Variants in GLG1 observed in about 807,000 individuals in gnomAD.
The protein encoded by GLG1 is golgi glycoprotein 1.
A neutral mutation model predicts 160.5 loss-of-function variants in GLG1; 38 were observed. The ratio of observed to expected loss-of-function variants is 0.24; its 90% CI spans 0.18 to 0.31. The LOEUF (loss-of-function observed/expected upper bound fraction) is 0.31, where lower values mean the gene tolerates loss of function less well. Among genes scored for constraint, GLG1 ranks in the 10% least tolerant of loss-of-function variants. GLG1 has a pLI of 1.00. For missense variants in GLG1, 1,373 were observed against 1,505.2 expected (o/e 0.91, Z 1.45); for synonymous variants, 644 against 543.4 (o/e 1.19, Z -2.57).
intron 3 of GLG1, among the ~76,000 whole-genome samples, chr16:74,507,131 T>A (rs148080733): frequency 5.3e-4 from 81 of 152,336 alleles, no homozygotes; most frequent in African/African-American, 1.9e-3. Flanking sequence ...TGCTGGAGAC[T>A]GTGTTCTTCC....
intron 1 of GLG1, among the ~76,000 whole-genome samples, chr16:74,562,035 T>C (rs1410148252): frequency 6.6e-6 from 1 of 152,252 alleles, no homozygotes; most frequent in Non-Finnish European, 1.5e-5. Flanking sequence ...CAACTGTCAT[T>C]TTCAACACGT....
intron 2 of GLG1, among the ~76,000 whole-genome samples, chr16:74,524,536 CTT>C (rs888634618): frequency 1.5e-5 from 2 of 135,348 alleles, no homozygotes; most frequent in African/African-American, 2.7e-5. Flanking sequence ...GTACTATGGT[CTT>C]TTTTTTTTTT....
chr16:74,590,583 T>C (rs1226947704), intron 1 of GLG1, among the ~76,000 whole-genome samples: 1 of 140,480 alleles, frequency 7.1e-6, no homozygotes. Context: ...ATTACACCAC[T>C]GCACTCCAGC....
chr16:74,525,775 T>C (rs1378196284), intron 2 of GLG1, among the ~76,000 whole-genome samples: 1 of 149,644 alleles, frequency 6.7e-6, no homozygotes, highest in Non-Finnish European at 1.5e-5. Context: ...AGATATATGA[T>C]TTGTAAGTAT....
chr16:74,499,755 G>A (rs918583725), intron 4 of GLG1, among the ~76,000 whole-genome samples: 1 of 152,170 alleles, frequency 6.6e-6, no homozygotes, highest in South Asian at 2.1e-4. Context: ...TGTAATCCCA[G>A]CGCTTTGGGA....
At chr16:74,571,696 A>G (rs1224201861) in intron 1 of GLG1, among the ~76,000 whole-genome samples, 2 of 151,882 alleles carry the variant, frequency 1.3e-5, no homozygotes, top group African/African-American at 2.4e-5. Flanking sequence ...ACAGTGGTGC[A>G]CGCCTGTGGT....
chr16:74,479,014 T>C (rs1341065247), intron 11 of GLG1, among the ~76,000 whole-genome samples: 2 of 113,260 alleles, frequency 1.8e-5, no homozygotes, highest in African/African-American at 6.8e-5. Context: ...AAGACCAACC[T>C]GGCCAACATG....
At chr16:74,509,984 G>A (rs1284268893) in intron 2 of GLG1, among the ~76,000 whole-genome samples, 1 of 151,566 alleles carries the variant, frequency 6.6e-6, no homozygotes, top group Non-Finnish European at 1.5e-5. Flanking sequence ...AGCATGCCCA[G>A]CCTCTTGATT....
At chr16:74,545,916 T>C (rs1272213905) in intron 1 of GLG1, among the ~76,000 whole-genome samples, 1 of 152,252 alleles carries the variant, frequency 6.6e-6, no homozygotes, top group African/African-American at 2.4e-5. Flanking sequence ...TCAACTTTAA[T>C]AAAGCAAGAT....
intron 12 of GLG1, 67 bp from the exon 13 acceptor site, chr16:74,474,699 T>G: frequency 1.2e-6 from 1 of 807,518 alleles, no homozygotes; most frequent in Non-Finnish European, 2.3e-6. Context: ...AGGGGAGATA[T>G]CAGCGTCATG....
At chr16:74,564,861 C>T (rs2018606796) in intron 1 of GLG1, among the ~76,000 whole-genome samples, 1 of 152,168 alleles carries the variant, frequency 6.6e-6, no homozygotes, top group South Asian at 2.1e-4. Flanking sequence ...TATTCCTTTC[C>T]TAAAAACAAG....
chr16:74,526,615 T>C (rs1322304944), intron 2 of GLG1, among the ~76,000 whole-genome samples: 1 of 151,960 alleles, frequency 6.6e-6, no homozygotes, highest in Non-Finnish European at 1.5e-5. Context: ...TCCCAGCTAC[T>C]CAGGAGGCTG....
intron 1 of GLG1, among the ~76,000 whole-genome samples, chr16:74,590,884 C>G (rs1160410699): frequency 6.7e-6 from 1 of 150,268 alleles, no homozygotes; most frequent in Non-Finnish European, 1.5e-5. Context: ...AAGTCAGGTT[C>G]TAACAAACCT....
intron 3 of GLG1, among the ~76,000 whole-genome samples, chr16:74,504,196 C>T (rs1438595621): frequency 1.3e-5 from 2 of 152,116 alleles, no homozygotes; most frequent in African/African-American, 4.8e-5. Flanking sequence ...ATACCCTAAG[C>T]CAAGCTACAC....
At chr16:74,545,658 C>T (rs2018025102) in intron 1 of GLG1, among the ~76,000 whole-genome samples, 1 of 152,134 alleles carries the variant, frequency 6.6e-6, no homozygotes, top group South Asian at 2.1e-4. Flanking sequence ...GTTTTGTTCA[C>T]CCATGTCTTT....
rs2014294852 is a variant in GLG1 at position 74,451,381 on chromosome 16, G to C, written c.*1786C>G. 1.3e-5 allele frequency: 2 copies of C among 152,166 alleles called. No individual in the cohort carries two copies. The highest frequency in any genetic ancestry group is 1.5e-5 in the Non-Finnish European group (1 of 68,046). The allele number at this position is 152,166 out of a possible 1,614,324, so 9.4% of individuals were successfully genotyped here. On this transcript the variant is annotated 3_prime_UTR_variant, in exon 26 of 26. Coordinates refer to ENST00000422840, the MANE Select transcript of GLG1 (RefSeq NM_001145667.2). ...TTCTGGAACCCACTGCCTCCAGGAAGGGCAGCAAATAGAAAAAAAAGAAAG... is the reference window on the plus strand; with the variant it reads ...TTCTGGAACCCACTGCCTCCAGGAACGGCAGCAAATAGAAAAAAAAGAAAG...
chr16:74,460,085 G>A (rs1460870391), intron 22 of GLG1, among the ~76,000 whole-genome samples: 1 of 150,648 alleles, frequency 6.6e-6, no homozygotes, highest in Non-Finnish European at 1.5e-5. Context: ...ACAATGGCAC[G>A]ATCTCGGCTC....
At chr16:74,577,577 A>T (rs1340745303) in intron 1 of GLG1, among the ~76,000 whole-genome samples, 3 of 151,728 alleles carry the variant, frequency 2.0e-5, no homozygotes, top group African/African-American at 7.3e-5. Context: ...TAAAACAGGA[A>T]GGGGTAAGTA....
intron 16 of GLG1, chr16:74,469,753 A>T (rs2015129861): frequency 1.9e-6 from 1 of 532,514 alleles, no homozygotes; most frequent in South Asian, 2.3e-5. Flanking sequence ...CCTGACCTGG[A>T]AAAATTAAAA....
Sources: allele counts gnomAD v4.1 joint callset (sites outside exome capture counted in the v4.1 genomes callset), GRCh38; gene constraint gnomAD v4.1.1; transcripts MANE v1.5; gene names NCBI Gene and HGNC (gene_info 2026-07-23, HGNC 2026-07-21).